The following CFAP100 variants were observed in gnomAD, a reference collection of about 807,000 sequenced individuals.
CFAP100 encodes cilia- and flagella-associated protein 100.
A neutral mutation model predicts 81.5 loss-of-function variants in CFAP100; 70 were observed. The observed-to-expected ratio is 0.86, with a 90% CI of 0.71 to 1.05. The LOEUF (loss-of-function observed/expected upper bound fraction) is 1.05. Ranked by LOEUF, CFAP100 falls within the 50% of genes least tolerant of loss-of-function variation. The pLI, the probability that CFAP100 is intolerant of heterozygous loss-of-function variation, is 0.00. For synonymous variants in CFAP100, 341 were observed against 314.8 expected, an observed-to-expected ratio of 1.08 and a Z score of -0.88; for missense variants, 811 against 776.5, an observed-to-expected ratio of 1.04 and a Z score of -0.53.
intron 11 of CFAP100, 88 bp from the exon 12 acceptor site, chr3:126,423,237 C>G: frequency 9.2e-7 from 1 of 1,092,820 alleles, no homozygotes; most frequent in African/African-American, 1.6e-5. Context: ...GGGATGCTGC[C>G]AACGCCTTCA....
intron 13 of CFAP100, among the ~76,000 whole-genome samples, chr3:126,431,749 C>T (rs894007801): frequency 6.6e-6 from 1 of 152,148 alleles, no homozygotes; most frequent in Admixed American, 6.5e-5. Flanking sequence ...TTTGTTTTCC[C>T]CCTTGCCATC....
intron 2 of CFAP100, among the ~76,000 whole-genome samples, chr3:126,401,117 A>G (rs1443122379): frequency 3.9e-5 from 6 of 152,028 alleles, no homozygotes; most frequent in Admixed American, 3.9e-4. Flanking sequence ...CCGCTCATAT[A>G]AGTGAGTGGA....
chr3:126,434,278 A>G lies in CFAP100; in HGVS notation c.1525A>G (p.Ile509Val). 1.9e-6 allele frequency: 3 copies of G among 1,614,064 alleles called. No homozygotes were observed. Among genetic ancestry groups the G allele is most frequent in the Non-Finnish European group, 2.5e-6 (3 of 1,180,010 alleles). Reference sequence around the variant, plus strand: ...CCTGGGCACCGTGCAGATGCTGACCATCATTGAGCACCAGCTGGATGAGCT... The same window carrying G: ...CCTGGGCACCGTGCAGATGCTGACCGTCATTGAGCACCAGCTGGATGAGCT... ...ANLGTVQMLT[I>V]IEHQLDELLE... Residue 509 changes from isoleucine to valine, a missense_variant, in exon 15 of 17, where the codon ATC becomes GTC. By Grantham distance (29) the Ile-to-Val change is conservative. Transcript: ENST00000352312.
chr3:126,416,509 G>A lies in CFAP100; in HGVS notation c.418+1G>A. ...ACCTGGAAGCTCACCTTGACCAAAG[G>A]TGCGTCCCCTCCGGCGCGGGGGGAC... On this transcript the variant is annotated splice_donor_variant, in intron 5 of 16. Transcript: ENST00000352312. LOFTEE classifies it high-confidence loss of function. The A allele has an allele frequency of 6.3e-7, 1 of 1,577,488 alleles. No homozygotes were observed. Among genetic ancestry groups the A allele is most frequent in the Non-Finnish European group, 8.6e-7 (1 of 1,160,014 alleles).
At chr3:126,422,968 C>A (rs1190152576) in intron 11 of CFAP100, among the ~76,000 whole-genome samples, 1 of 152,204 alleles carries the variant, frequency 6.6e-6, no homozygotes, top group Non-Finnish European at 1.5e-5. Flanking sequence ...GGAGGGCTGC[C>A]TGGCATGACC....
chr3:126,414,432 C>A, intron 4 of CFAP100: 1 of 624,036 alleles, frequency 1.6e-6, no homozygotes, highest in Admixed American at 2.6e-5. Context: ...TCTTGGGCTG[C>A]TGTGGCAACA....
chr3:126,435,368 AG>A (rs1933404402), intron 15 of CFAP100, among the ~76,000 whole-genome samples, 190 bp from the exon 16 acceptor site: 1 of 152,304 alleles, frequency 6.6e-6, no homozygotes, highest in Admixed American at 6.5e-5. Context: ...CTCTGGGCCT[AG>A]GCCACCTTGG....
chr3:126,414,428 G>A, intron 4 of CFAP100: 1 of 624,704 alleles, frequency 1.6e-6, no homozygotes, highest in Non-Finnish European at 2.9e-6. Context: ...GACTTCTTGG[G>A]CTGCTGTGGC....
chr3:126,434,651 G>A (rs1009966045), intron 15 of CFAP100: 4 of 434,942 alleles, frequency 9.2e-6, no homozygotes, highest in African/African-American at 6.0e-5. Context: ...TAGAAGAGCT[G>A]GAGCTTAGTT....
In CFAP100 at chr3:126,423,598, A is replaced by G. The variant is rs1278833631; in HGVS notation, c.1240A>G (p.Thr414Ala). 6.2e-7 allele frequency: 1 copy of G among 1,614,014 alleles called. No individual in the cohort carries two copies. The highest frequency in any genetic ancestry group is 8.5e-7 in the Non-Finnish European group (1 of 1,179,936). ...CCAGAACAGCCAGGAGACGGAGAAG[A>G]CCCTGGAGGAGCTGAGCCACACCCT... ...LIQNSQETEK[T>A]LEELSHTLKH... The change falls in exon 13 of 17, where the codon ACC becomes GCC. Residue 414 changes from threonine (T) to alanine (A), a missense_variant. Thr to Ala is a moderately conservative substitution (Grantham distance 58). Transcript: ENST00000352312.
chr3:126,421,854 G>A (rs550779198), intron 11 of CFAP100, among the ~76,000 whole-genome samples: 10 of 152,380 alleles, frequency 6.6e-5, no homozygotes, highest in African/African-American at 1.7e-4. Flanking sequence ...TGCTGTTAAC[G>A]TTGCCCACCA....
At chr3:126,427,290 G>A (rs557280485) in intron 13 of CFAP100, among the ~76,000 whole-genome samples, 4 of 152,310 alleles carry the variant, frequency 2.6e-5, no homozygotes, top group Non-Finnish European at 5.9e-5. Flanking sequence ...GTTTGGTACC[G>A]GTGAAAGAAT....
At chr3:126,403,202 G>A (rs1263002575) in intron 2 of CFAP100, among the ~76,000 whole-genome samples, 1 of 152,054 alleles carries the variant, frequency 6.6e-6, no homozygotes, top group Admixed American at 6.5e-5. Context: ...AGGAGAGTAG[G>A]CGGAAACGTG....
In CFAP100 at chr3:126,407,198, A is replaced by T; in HGVS notation, c.76A>T (p.Ser26Cys). The change falls in exon 3 of 17, where the codon AGC becomes TGC. Residue 26 changes from serine to cysteine, a missense_variant. By Grantham distance (112) the Ser-to-Cys change is moderately radical. Coordinates refer to ENST00000352312, the MANE Select transcript of CFAP100 (RefSeq NM_182628.3). ...GAACAGCCTGGAATCCATGAACATCAGCTCTTCTTCAAGCACTGAAGAGAA... is the reference window on the plus strand; with the variant it reads ...GAACAGCCTGGAATCCATGAACATCTGCTCTTCTTCAAGCACTGAAGAGAA... ...DKNSLESMNI[S>C]SSSSTEENPK... 6.2e-7 allele frequency: 1 copy of T among 1,613,900 alleles called. No individual in the cohort carries two copies. The highest frequency in any genetic ancestry group is 8.5e-7 in the Non-Finnish European group (1 of 1,179,888).
rs2083371299 is a variant in CFAP100 at position 126,423,793 on chromosome 3, C to A, written c.1286+149C>A. 1.1e-5 allele frequency: 11 copies of A among 1,017,992 alleles called. No homozygotes were observed. The South Asian group carries it at 1.6e-4, about 15-fold the overall frequency. 63.1% of individuals were successfully genotyped at this position (1,017,992 alleles called of 1,614,324 possible). ...GTCTGAAAAGCTCCGAGCGAAGCTC[C>A]GTTTGTGGGCCGGATCCTGGAGAGA... On this transcript the variant is annotated intron_variant, in intron 13 of 16. Transcript: ENST00000352312.
rs781119057 is a variant in CFAP100 at position 126,435,618 on chromosome 3, C to T, written c.1688C>T (p.Ala563Val). The change falls in exon 16 of 17, where the codon GCC (alanine) becomes GTC (valine). Residue 563 changes from alanine to valine, a missense_variant. By Grantham distance (64) the Ala-to-Val change is moderately conservative. Transcript: ENST00000352312. ...KILQEEHLQR[A>V]RARAQAEIKK... ...CTACAGGAGGAGCATCTGCAGCGGG[C>T]CCGGGCGCGCGCCCAGGCTGAGATC... The T allele has an allele frequency of 8.1e-6, 13 of 1,612,258 alleles. No homozygotes were observed. The East Asian group carries it at 2.7e-4, about 33-fold the overall frequency.
At position 126,418,536 on chromosome 3, in the gene CFAP100, T is replaced by C. The variant is rs773426922; in HGVS notation, c.486+11T>C. On this transcript the variant is annotated intron_variant, in intron 6 of 16. Transcript: ENST00000352312. ...ATGTTCCTCCTCCAGGTAGGTCCCGTGGCCCCCAGAGCGATGGATGCCAGC... is the reference window on the plus strand; with the variant it reads ...ATGTTCCTCCTCCAGGTAGGTCCCGCGGCCCCCAGAGCGATGGATGCCAGC... The C allele has an allele frequency of 6.2e-7, 1 of 1,614,032 alleles. No homozygotes were observed. Among genetic ancestry groups the C allele is most frequent in the South Asian group, 1.1e-5 (1 of 91,074 alleles).
At chr3:126,410,125 C>G (rs2083131654) in intron 3 of CFAP100, among the ~76,000 whole-genome samples, 1 of 152,186 alleles carries the variant, frequency 6.6e-6, no homozygotes, top group Non-Finnish European at 1.5e-5. Flanking sequence ...TGCTTGAACC[C>G]AGGAGACGGA....
intron 2 of CFAP100, among the ~76,000 whole-genome samples, chr3:126,399,028 C>T (rs1046753630): frequency 1.3e-5 from 2 of 152,182 alleles, no homozygotes; most frequent in East Asian, 1.9e-4. Flanking sequence ...ATGCTCTTCT[C>T]CCCAGTTTCC....
Sources: gnomAD v4.1 joint callset for allele counts (sites outside exome capture counted in the v4.1 genomes callset) on GRCh38, gnomAD v4.1.1 for gene constraint, MANE v1.5 for transcripts, NCBI Gene and HGNC (gene_info 2026-07-23, HGNC 2026-07-21) for gene names.